The following OR10G7 variants were observed in gnomAD, a reference collection of about 807,000 sequenced individuals.
The protein encoded by OR10G7 is olfactory receptor 10G7.
For synonymous variants in OR10G7, 165 were observed against 167.4 expected, an observed-to-expected ratio of 0.99 and a Z score of 0.11; for missense variants, 338 against 382.1, an observed-to-expected ratio of 0.88 and a Z score of 0.96.
chr11:124,037,909 A>C lies in OR10G7; in HGVS notation c.*157T>G, dbSNP rs1864204667. The C allele has an allele frequency of 1.9e-6, 1 of 535,960 alleles. No homozygotes were observed. The highest frequency in any genetic ancestry group is 3.6e-5 in the Admixed American group (1 of 27,878). 33.2% of individuals were successfully genotyped at this position (535,960 alleles called of 1,614,324 possible). On this transcript the variant is annotated 3_prime_UTR_variant, in exon 2 of 2. Coordinates refer to ENST00000641585, the MANE Select transcript of OR10G7 (RefSeq NM_001004463.2). ...GGCTGCTTTAACTAGGATTCTAACA[A>C]ACACTCTGCAGAAAAAAATGAAAAA...
Position 124,036,445 on chromosome 11 carries a change from C to T in OR10G7, c.*1621G>A, listed in dbSNP as rs895129585. The stretch of plus-strand genomic sequence containing the variant: ...AACCTGGACAATGCAACATATTTTT[C>T]CCCCTTGCCAGACAATGACTTTGGT... On this transcript the variant is annotated 3_prime_UTR_variant, in exon 2 of 2. Transcript: ENST00000641585. The T allele has an allele frequency of 6.6e-6, 1 of 152,170 alleles. No homozygotes were observed. The highest frequency in any genetic ancestry group is 1.5e-5 in the Non-Finnish European group (1 of 68,042). 9.4% of individuals were successfully genotyped at this position (152,170 alleles called of 1,614,324 possible). A position where few individuals can be genotyped will look rare whatever the true frequency, so the allele number is the denominator to read the frequency against.
intron 1 of OR10G7, 44 bp from the exon 2 acceptor site, chr11:124,039,065 T>G (rs1358198761): frequency 6.6e-7 from 1 of 1,516,940 alleles, no homozygotes; most frequent in Non-Finnish European, 8.9e-7. Flanking sequence ...ACTGTGAGCA[T>G]GTTTTATATG....
At position 124,038,022 on chromosome 11, in the gene OR10G7, T is replaced by C. The variant is rs199697577; in HGVS notation, c.*44A>G. ...GCTTATGTTGAAGGTTTAATTTAAT[T>C]ACAAATAAAAAAAGAAAAGTTAGCC... On this transcript the variant is annotated 3_prime_UTR_variant, in exon 2 of 2. Transcript: ENST00000641585. 5.6e-4 allele frequency: 728 copies of C among 1,310,728 alleles called. 1 individual carries two copies. The highest frequency in any genetic ancestry group is 1.9e-4 in the Non-Finnish European group (177 of 950,956). 81.2% of individuals were successfully genotyped at this position (1,310,728 alleles called of 1,614,324 possible).
chr11:124,038,679 C>T lies in OR10G7; in HGVS notation c.323G>A (p.Ser108Asn). 1 of 1,613,974 alleles carries T rather than the reference C, an allele frequency of 6.2e-7. No individual in the cohort carries two copies. Among genetic ancestry groups the T allele is most frequent in the Non-Finnish European group, 8.5e-7 (1 of 1,180,018 alleles). Residue 108 changes from serine to asparagine, a missense_variant, in exon 2 of 2, where the codon AGC becomes AAC. By Grantham distance (46) the Ser-to-Asn change is conservative (BLOSUM62 1). Coordinates refer to ENST00000641585, the MANE Select transcript of OR10G7 (RefSeq NM_001004463.2). ...GACTGTGTAGAGGAAACACTCGGTG[C>T]TCCCCAGGAAGTGGAAAAAATAGAG... ...AQLYFFHFLG[S>N]TECFLYTVMS...
rs149592392 is a variant in OR10G7, at chr11:124,038,282, A to C, written c.720T>G (p.Cys240Trp). Residue 240 changes from cysteine (C) to tryptophan (W), a missense_variant, in exon 2 of 2, where the codon TGT becomes TGG. Transcript: ENST00000641585. ...AAAGGACCACGATACAGTGGGAGGC[A>C]CAGGTCTGAAAGGCTCTGTGCCTCC... Reference protein sequence around the residue: ...SEGRHRAFQTCASHCIVVLCF... With the variant: ...SEGRHRAFQTWASHCIVVLCF... 7 of 1,613,986 alleles carry C rather than the reference A, an allele frequency of 4.3e-6. No homozygotes were observed. In the East Asian group the frequency reaches 8.9e-5, roughly 21 times the overall value.
In OR10G7 at chr11:124,038,367, A is replaced by G. The variant is rs751456010; in HGVS notation, c.635T>C (p.Leu212Pro). 4.3e-6 allele frequency: 7 copies of G among 1,614,142 alleles called. No individual in the cohort carries two copies. The South Asian group carries it at 7.7e-5, about 18-fold the overall frequency. The change falls in exon 2 of 2, where the codon CTG becomes CCG. Residue 212 changes from leucine (L) to proline (P), a missense_variant. Physicochemically the swap from Leu to Pro is moderately conservative, Grantham distance 98. Coordinates refer to ENST00000641585, the MANE Select transcript of OR10G7 (RefSeq NM_001004463.2). ...GATGGACACATAGGACAGCACTATC[A>G]GGACAAAGCAGCCCGAGGCCACTAG... Reference protein sequence around the residue: ...IGLVASGCFVLIVLSYVSIVC... With the variant: ...IGLVASGCFVPIVLSYVSIVC...
At chr11:124,039,505 CA>C (rs1220132168) in intron 1 of OR10G7, among the ~76,000 whole-genome samples, 2 of 152,124 alleles carry the variant, frequency 1.3e-5, no homozygotes, top group African/African-American at 2.4e-5. Flanking sequence ...ATTTCCATTA[CA>C]AATACAAATT....
Position 124,037,910 on chromosome 11 carries a change from ACACT to A in OR10G7, c.*152_*155del. On this transcript the variant is annotated 3_prime_UTR_variant, in exon 2 of 2. Coordinates refer to ENST00000641585, the MANE Select transcript of OR10G7 (RefSeq NM_001004463.2). The stretch of plus-strand genomic sequence containing the variant: ...GCTGCTTTAACTAGGATTCTAACAA[ACACT>A]CTGCAGAAAAAAATGAAAAATTAAT... 1 of 538,614 alleles carries A rather than the reference ACACT, an allele frequency of 1.9e-6. No homozygotes were observed. The highest frequency in any genetic ancestry group is 3.1e-6 in the Non-Finnish European group (1 of 318,516). 33.4% of individuals were successfully genotyped at this position (538,614 alleles called of 1,614,324 possible).
At position 124,038,276 on chromosome 11, in the gene OR10G7, G is replaced by A; in HGVS notation, c.726C>T (p.Ser242=). 1.2e-6 allele frequency: 2 copies of A among 1,614,086 alleles called. No homozygotes were observed. Among genetic ancestry groups the A allele is most frequent in the Non-Finnish European group, 1.7e-6 (2 of 1,180,024 alleles). The change falls in exon 2 of 2, where the codon TCC becomes TCT. Residue 242 remains serine, a synonymous_variant. Transcript: ENST00000641585. ...GRHRAFQTCA[S]HCIVVLCFFG... ...AGAAGCAAAGGACCACGATACAGTG[G>A]GAGGCACAGGTCTGAAAGGCTCTGT...
At chr11:124,040,136 C>A (rs1864231076) in intron 1 of OR10G7, among the ~76,000 whole-genome samples, 1 of 152,066 alleles carries the variant, frequency 6.6e-6, no homozygotes, top group South Asian at 2.1e-4. Flanking sequence ...GAATTTTAGG[C>A]AATTAAGCCT....
rs1864238655 is a variant in OR10G7 at position 124,041,265 on chromosome 11, T to A, written c.-400A>T. On this transcript the variant is annotated 5_prime_UTR_variant, in exon 1 of 2. Transcript: ENST00000641585. ...TGTGCAGGGAATGATTTTTTTCCTA[T>A]TTCTTTTTTAAATTTAATAATAGTA... 6.6e-6 allele frequency: 1 copy of A among 152,250 alleles called. No homozygotes were observed. Among genetic ancestry groups the A allele is most frequent in the East Asian group, 1.9e-4 (1 of 5,184 alleles). The allele number at this position is 152,250 out of a possible 1,614,324, so 9.4% of individuals were successfully genotyped here.
In OR10G7 at chr11:124,038,080, C is replaced by A; in HGVS notation, c.922G>T (p.Ala308Ser). 1 of 1,610,958 alleles carries A rather than the reference C, an allele frequency of 6.2e-7. No individual in the cohort carries two copies. Among genetic ancestry groups the A allele is most frequent in the Non-Finnish European group, 8.5e-7 (1 of 1,178,444 alleles). The change falls in exon 2 of 2, where the codon GCT (alanine) becomes TCT (serine). Residue 308 changes from alanine (A) to serine (S), a missense_variant. Ala to Ser is a moderately conservative substitution (Grantham distance 99, BLOSUM62 1). Coordinates refer to ENST00000641585, the MANE Select transcript of OR10G7 (RefSeq NM_001004463.2). ...GCCTTTCTTAACTATTCACCCTGAG[C>A]AAATACTGACCCATTTTTCAGCTTC... The part of the protein sequence containing the change: ...LLKLKNGSVF[A>S]QGE
Position 124,036,079 on chromosome 11 carries a change from A to C in OR10G7, c.*1987T>G, listed in dbSNP as rs1372506034. 1 of 152,150 alleles carries C rather than the reference A, an allele frequency of 6.6e-6. No homozygotes were observed. Among genetic ancestry groups the C allele is most frequent in the East Asian group, 1.9e-4 (1 of 5,192 alleles). The allele number at this position is 152,150 out of a possible 1,614,324, so 9.4% of individuals were successfully genotyped here. On this transcript the variant is annotated 3_prime_UTR_variant, in exon 2 of 2. Transcript: ENST00000641585. ...ACATACACGTGAGTAAAACTAGAAA[A>C]ATCTGAATAAGATTTGTGGATTATA... is the stretch of plus-strand genomic sequence containing the variant.
At position 124,038,093 on chromosome 11, in the gene OR10G7, A is replaced by G; in HGVS notation, c.909T>C (p.Asn303=). ...EVKKALLKLK[N]GSVFAQGE is the part of the protein sequence containing the mutation. ...ATTCACCCTGAGCAAATACTGACCCATTTTTCAGCTTCAACAGAGCTTTCT... is the reference window on the plus strand; with the variant it reads ...ATTCACCCTGAGCAAATACTGACCCGTTTTTCAGCTTCAACAGAGCTTTCT... The change falls in exon 2 of 2, where the codon AAT becomes AAC. Residue 303 remains asparagine (N), a synonymous_variant. Transcript: ENST00000641585. 7 of 1,612,404 alleles carry G rather than the reference A, an allele frequency of 4.3e-6. No individual in the cohort carries two copies. The highest frequency in any genetic ancestry group is 5.9e-6 in the Non-Finnish European group (7 of 1,179,162).
Position 124,038,387 on chromosome 11 carries a change from C to G in OR10G7, c.615G>C (p.Val205=), listed in dbSNP as rs1411619789. ...EMVIFVNIGL[V]ASGCFVLIVL... ...CTATCAGGACAAAGCAGCCCGAGGCCACTAGCCCAATATTCACAAAGATGA... is the reference window on the plus strand; with the variant it reads ...CTATCAGGACAAAGCAGCCCGAGGCGACTAGCCCAATATTCACAAAGATGA... The change falls in exon 2 of 2, where the codon GTG becomes GTC. Residue 205 remains valine, a synonymous_variant. Coordinates refer to ENST00000641585, the MANE Select transcript of OR10G7 (RefSeq NM_001004463.2). 6.2e-7 allele frequency: 1 copy of G among 1,613,964 alleles called. No individual in the cohort carries two copies. Among genetic ancestry groups the G allele is most frequent in the Non-Finnish European group, 8.5e-7 (1 of 1,180,006 alleles).
chr11:124,041,062 C>A lies in OR10G7; in HGVS notation c.-197G>T, dbSNP rs1864237457. ...CTTAGGAGACACTCCGTTAGCTCTA[C>A]AGTCCTTATGAGTGAAGATAATGTG... On this transcript the variant is annotated 5_prime_UTR_variant, in exon 1 of 2. Transcript: ENST00000641585. 6.6e-6 allele frequency: 1 copy of A among 152,144 alleles called. No homozygotes were observed. The highest frequency in any genetic ancestry group is 2.4e-5 in the African/African-American group (1 of 41,394). 9.4% of individuals were successfully genotyped at this position (152,144 alleles called of 1,614,324 possible).
rs1864208917 is a variant in OR10G7, at chr11:124,038,238, A to C, written c.764T>G (p.Leu255Arg). The change falls in exon 2 of 2, where the codon CTT becomes CGT. Residue 255 changes from leucine (L) to arginine (R), a missense_variant. By Grantham distance (102) the Leu-to-Arg change is moderately radical. Coordinates refer to ENST00000641585, the MANE Select transcript of OR10G7 (RefSeq NM_001004463.2). ...IVVLCFFGPG[L>R]FIYLRPGSRD... ...GGAGCCTGGCCTCAGGTAAATGAAA[A>C]GACCAGGGCCAAAGAAGCAAAGGAC... The C allele has an allele frequency of 6.2e-7, 1 of 1,614,118 alleles. No homozygotes were observed. Among genetic ancestry groups the C allele is most frequent in the Non-Finnish European group, 8.5e-7 (1 of 1,180,030 alleles).
In OR10G7 at chr11:124,038,500, A is replaced by C. The variant is rs781736662; in HGVS notation, c.502T>G (p.Cys168Gly). 6.8e-6 allele frequency: 11 copies of C among 1,613,730 alleles called. No individual in the cohort carries two copies. The highest frequency in any genetic ancestry group is 8.5e-6 in the Non-Finnish European group (10 of 1,179,866). ...TAGTGCTGGATCTGGTTGGGTCCAC[A>C]GTAGGGCAAATGGAAAGTCAATATG... ...QTILTFHLPY[C>G]GPNQIQHYFC... Residue 168 changes from cysteine (C) to glycine (G), a missense_variant, in exon 2 of 2, where the codon TGT becomes GGT. Physicochemically the swap from Cys to Gly is radical, Grantham distance 159. Transcript: ENST00000641585.
rs1219000939 is a variant in OR10G7, at chr11:124,038,167, T to A, written c.835A>T (p.Thr279Ser). ...TACACAACAGGGTTGAAAAGAGGAG[T>A]CAGCGTGGTGTAGAAAACGGCCACA... Reference protein sequence around the residue: ...GVVAVFYTTLTPLFNPVVYTL... With the variant: ...GVVAVFYTTLSPLFNPVVYTL... The change falls in exon 2 of 2, where the codon ACT (threonine) becomes TCT (serine). Residue 279 changes from threonine to serine, a missense_variant. Transcript: ENST00000641585. 6.2e-7 allele frequency: 1 copy of A among 1,613,702 alleles called. No homozygotes were observed. Among genetic ancestry groups the A allele is most frequent in the African/African-American group, 1.3e-5 (1 of 74,738 alleles).
Sources: gnomAD v4.1 joint callset for allele counts (sites outside exome capture counted in the v4.1 genomes callset) on GRCh38, gnomAD v4.1.1 for gene constraint, MANE v1.5 for transcripts, NCBI Gene and HGNC (gene_info 2026-07-23, HGNC 2026-07-21) for gene names.